Variants in CDCP2 observed in about 807,000 individuals in gnomAD.
CDCP2 encodes the protein CUB domain-containing protein 2.
In CDCP2, 31 loss-of-function variants were observed where a neutral mutation model predicts 31.0. That is an observed-to-expected ratio of 1.00 (90% CI 0.75 to 1.35). CDCP2 has a LOEUF of 1.35. Among genes scored for constraint, CDCP2 ranks in the 40% most tolerant of loss-of-function variants. The probability of loss-of-function intolerance (pLI) is 0.00; values close to 1 mark genes in which losing one functional copy is unlikely to be tolerated. For synonymous variants in CDCP2, 206 were observed against 207.9 expected (o/e 0.99, Z 0.08); for missense variants, 443 against 482.6 (o/e 0.92, Z 0.77).
At chr1:54,148,904 A>G (rs1659522904) in intron 1 of CDCP2, among the ~76,000 whole-genome samples, 3 of 150,252 alleles carry the variant, frequency 2.0e-5, no homozygotes, top group Non-Finnish European at 4.4e-5. Context: ...TAAAAGTCAA[A>G]TATCAACCAA....
chr1:54,139,240 C>T, intron 4 of CDCP2: 1 of 392,276 alleles, frequency 2.5e-6, no homozygotes, highest in African/African-American at 2.1e-5. Flanking sequence ...CCAGAGATAA[C>T]ATTTGGAACA....
At chr1:54,133,388 G>A (rs1024490345) in intron 5 of CDCP2, 94 bp from the exon 6 acceptor site, 6 of 397,790 alleles carry the variant, frequency 1.5e-5, no homozygotes, top group Non-Finnish European at 2.7e-5. Context: ...GGGGGGCAGA[G>A]CCCGAGGAGC....
At chr1:54,134,510 A>G (rs1244579109) in intron 5 of CDCP2, among the ~76,000 whole-genome samples, 1 of 152,172 alleles carries the variant, frequency 6.6e-6, no homozygotes, top group Non-Finnish European at 1.5e-5. Flanking sequence ...AACCACGCCC[A>G]ATCTGCAGCA....
intron 5 of CDCP2, among the ~76,000 whole-genome samples, chr1:54,134,304 A>G (rs377112430): frequency 6.6e-4 from 101 of 152,238 alleles, no homozygotes; most frequent in African/African-American, 2.4e-3. Context: ...GCCCCTGGCC[A>G]CCCCAGGGAC....
chr1:54,132,736 A>C (rs1659186932), downstream of CDCP2: 1 of 387,694 alleles, frequency 2.6e-6, no homozygotes. Flanking sequence ...TTGCATATAC[A>C]TACACAGCAT....
At chr1:54,139,649 G>GA (rs1553173745) in intron 4 of CDCP2, 104 bp downstream of exon 4, 10 of 1,613,478 alleles carry the variant, frequency 6.2e-6, no homozygotes, top group Non-Finnish European at 8.5e-6. Context: ...CATTCATGGG[G>GA]GGGGCAGGAC....
chr1:54,142,178 G>C (rs1659386535), intron 2 of CDCP2: 1 of 152,242 alleles, frequency 6.6e-6, no homozygotes, highest in Non-Finnish European at 1.5e-5. Flanking sequence ...CTTGACCCTT[G>C]TGACCTTCAC....
chr1:54,141,484 G>A (rs671539), intron 2 of CDCP2, 51 bp from the exon 3 acceptor site: 1,265,718 of 1,497,564 alleles, frequency 0.85, 535,526 homozygotes, highest in East Asian at 0.97. Flanking sequence ...GTGGCTCCCA[G>A]TTTCCTCCCT....
At chr1:54,141,286 A>C (rs771085222) in exon 3 of CDCP2, 1 of 1,614,172 alleles carries the variant, frequency 6.2e-7, no homozygotes, top group Non-Finnish European at 8.5e-7. Context: ...ATTGCCCTCC[A>C]CCTGGAAGTC....
intron 5 of CDCP2, among the ~76,000 whole-genome samples, chr1:54,134,348 C>T (rs1430259446): frequency 6.6e-6 from 1 of 152,248 alleles, no homozygotes; most frequent in African/African-American, 2.4e-5. Context: ...CATCGAGGAA[C>T]AAGATGTGGG....
exon 6 of CDCP2, chr1:54,133,264 C>G: frequency 2.5e-6 from 1 of 399,156 alleles, no homozygotes; most frequent in Non-Finnish European, 4.4e-6. Context: ...ATGTACAGCA[C>G]GCTGACAATC....
intron 3 of CDCP2, chr1:54,140,873 G>A: frequency 4.7e-6 from 2 of 428,168 alleles, no homozygotes; most frequent in Non-Finnish European, 8.3e-6. Context: ...ACTTATATAA[G>A]GAGTTGAAAA....
At chr1:54,139,364 G>C in intron 4 of CDCP2, 2 of 624,522 alleles carry the variant, frequency 3.2e-6, no homozygotes, top group East Asian at 5.5e-5. Context: ...AAGCAGGGCT[G>C]GTAGACATCC....
chr1:54,139,590 C>T, intron 4 of CDCP2, 163 bp downstream of exon 4: 1 of 1,613,494 alleles, frequency 6.2e-7, no homozygotes, highest in South Asian at 1.1e-5. Flanking sequence ...TCTTAGGGGT[C>T]CCGAGAGTGG....
intron 1 of CDCP2, among the ~76,000 whole-genome samples, chr1:54,150,669 T>C (rs918480278): frequency 7.9e-5 from 12 of 152,222 alleles, no homozygotes; most frequent in African/African-American, 2.9e-4. Context: ...GGAAGAGCCA[T>C]GTGAGAAGTG....
rs886990800 is a variant in CDCP2, at chr1:54,136,817, C to A, written c.1118-9G>T. 7.5e-6 allele frequency: 3 copies of A among 399,116 alleles called. No homozygotes were observed. Among genetic ancestry groups the A allele is most frequent in the Non-Finnish European group, 8.8e-6 (2 of 226,218 alleles). The allele number at this position is 399,116 out of a possible 1,614,324, so 24.7% of individuals were successfully genotyped here. On this transcript the variant is annotated splice_polypyrimidine_tract_variant and intron_variant, in intron 4 of 5. Transcript: ENST00000530059. ...CACGTTCATGGGCACCACTGGGAAT[C>A]GGAGGGAGGAGCTGGAAGCCTTAGG...
At chr1:54,142,746 AG>A (rs1659395846) in intron 2 of CDCP2, 4 of 152,232 alleles carry the variant, frequency 2.6e-5, no homozygotes, top group Admixed American at 2.0e-4. Context: ...ATGAGAGGGC[AG>A]GTTTAGATAG....
intron 3 of CDCP2, chr1:54,140,783 A>G: frequency 3.7e-6 from 1 of 270,628 alleles, no homozygotes; most frequent in Non-Finnish European, 7.0e-6. Context: ...AGATAAGCCC[A>G]TAAGGGACTC....
At chr1:54,151,134 T>C (rs568581345) in intron 1 of CDCP2, among the ~76,000 whole-genome samples, 2 of 152,102 alleles carry the variant, frequency 1.3e-5, no homozygotes, top group East Asian at 3.9e-4. Context: ...GTTTCTTCAG[T>C]TGGGGAAGAT....
Sources: gnomAD v4.1 joint callset for allele counts (sites outside exome capture counted in the v4.1 genomes callset) on GRCh38, gnomAD v4.1.1 for gene constraint, MANE v1.5 for transcripts, NCBI Gene and HGNC (gene_info 2026-07-23, HGNC 2026-07-21) for gene names.